The following ANOS1 variants were observed in gnomAD, a reference collection of about 807,000 sequenced individuals.
ANOS1 encodes anosmin-1.
In ANOS1, 6 loss-of-function variants were observed where a neutral mutation model predicts 59.0. The ratio of observed to expected loss-of-function variants is 0.10; its 90% CI spans 0.06 to 0.20. ANOS1 has a LOEUF of 0.20. ANOS1 is among the 10% of genes least tolerant of loss of function. The pLI is 1.00. For missense variants in ANOS1, 433 were observed against 542.3 expected (o/e 0.80, Z 2.00); for synonymous variants, 217 against 223.4 (o/e 0.97, Z 0.25).
At chrX:8,684,269 G>A (rs151077720) in intron 2 of ANOS1, among the ~76,000 whole-genome samples, 1,741 of 111,348 alleles carry the variant, frequency 0.016, 29 homozygotes, top group African/African-American at 0.055. Context: ...AGGGCTTCCC[G>A]GTCATCAGGG....
At position 8,532,111 on chromosome X, in the gene ANOS1, T is replaced by A. The variant is rs1413423548; in HGVS notation, c.*884A>T. The A allele has an allele frequency of 8.9e-6, 1 of 112,181 alleles. No individual in the cohort carries two copies. The highest frequency in any genetic ancestry group is 1.9e-5 in the Non-Finnish European group (1 of 53,211). The allele number at this position is 112,181 out of a possible 1,213,427, so 9.2% of individuals were successfully genotyped here. On this transcript the variant is annotated 3_prime_UTR_variant, in exon 14 of 14. Coordinates refer to ENST00000262648, the MANE Select transcript of ANOS1 (RefSeq NM_000216.4). ...GCAAAGATTTAAACATGCTCAATAG[T>A]TGGGATTTTTTCATTTGAAGCAAGA...
At chrX:8,647,835 G>C (rs1347655282) in intron 2 of ANOS1, among the ~76,000 whole-genome samples, 1 of 111,647 alleles carries the variant, frequency 9.0e-6, no homozygotes, top group East Asian at 2.8e-4. Flanking sequence ...AGCCAAAAAA[G>C]CATCTTAAAC....
chrX:8,727,442 G>T (rs896224017), intron 1 of ANOS1, among the ~76,000 whole-genome samples: 17 of 112,346 alleles, frequency 1.5e-4, no homozygotes, highest in Non-Finnish European at 3.0e-4. Context: ...CCCATTCCAT[G>T]CTAGTAGCAT....
At chrX:8,709,836 A>G (rs1189889520) in intron 1 of ANOS1, among the ~76,000 whole-genome samples, 2 of 112,404 alleles carry the variant, frequency 1.8e-5, no homozygotes, top group African/African-American at 6.5e-5. Context: ...TCTTAGCTAC[A>G]TCAGGATTCA....
intron 1 of ANOS1, among the ~76,000 whole-genome samples, chrX:8,725,697 G>GATATATATATACAGAT (rs1285267939): frequency 3.7e-5 from 1 of 27,040 alleles, no homozygotes; most frequent in Non-Finnish European, 6.2e-5. Flanking sequence ...TATATATACA[G>GATATATATATACAGAT]ATATATATAT....
chrX:8,646,654 C>T lies in ANOS1; in HGVS notation c.256-22984G>A, dbSNP rs147121231. On this transcript the variant is annotated intron_variant, in intron 2 of 13. Coordinates refer to ENST00000262648, the MANE Select transcript of ANOS1 (RefSeq NM_000216.4). ...CTGTTTCAAAAGAAGATTTCTGGAC[C>T]GGCGTGGTGGCTCACATCTGTAACC... 9.8e-3 allele frequency among the ~76,000 whole-genome samples: 1,083 copies of T among 110,293 alleles called. 6 individuals are homozygous for T. The highest frequency in any genetic ancestry group is 0.018 in the Middle Eastern group (4 of 217).
chrX:8,603,341 C>T (rs528690470), intron 3 of ANOS1, among the ~76,000 whole-genome samples: 4 of 111,628 alleles, frequency 3.6e-5, no homozygotes, highest in African/African-American at 9.8e-5. Flanking sequence ...TATTAATATG[C>T]AGTATTAATG....
At chrX:8,724,106 C>T (rs760253270) in intron 1 of ANOS1, among the ~76,000 whole-genome samples, 4 of 112,353 alleles carry the variant, frequency 3.6e-5, no homozygotes, top group Admixed American at 9.4e-5. Flanking sequence ...TTTGTATACC[C>T]TCTCAATTTT....
intron 2 of ANOS1, among the ~76,000 whole-genome samples, chrX:8,654,376 T>C (rs945215978): frequency 5.3e-5 from 6 of 112,612 alleles, no homozygotes; most frequent in Non-Finnish European, 1.1e-4. Context: ...TGTGGTTTTC[T>C]TGAAGGTCTA....
At chrX:8,614,037 C>T (rs5934463) in intron 3 of ANOS1, among the ~76,000 whole-genome samples, 42,044 of 110,364 alleles carry the variant, frequency 0.38, 5,761 homozygotes, top group South Asian at 0.43. Flanking sequence ...GATTCATGTG[C>T]GTGACCAAGT....
At chrX:8,677,448 C>T (rs746735082) in intron 2 of ANOS1, among the ~76,000 whole-genome samples, 1 of 111,717 alleles carries the variant, frequency 9.0e-6, no homozygotes, top group East Asian at 2.8e-4. Context: ...AACGGAATTG[C>T]TTTAAAATTT....
intron 2 of ANOS1, among the ~76,000 whole-genome samples, chrX:8,685,663 AAAGG>A (rs1308297796): frequency 1.9e-5 from 2 of 106,806 alleles, no homozygotes; most frequent in African/African-American, 3.5e-5. Flanking sequence ...AAAGAAAAAG[AAAGG>A]AAGGAAGGAG....
intron 2 of ANOS1, among the ~76,000 whole-genome samples, chrX:8,668,394 C>CATATATATATATATATATAT (rs202229567): frequency 5.8e-5 from 3 of 51,568 alleles, no homozygotes; most frequent in Non-Finnish European, 7.4e-5. Flanking sequence ...AGTATTCCAT[C>CATATATATATATATATATAT]ATATATATAT....
chrX:8,626,997 G>C (rs768300407), intron 2 of ANOS1, among the ~76,000 whole-genome samples: 3 of 110,902 alleles, frequency 2.7e-5, no homozygotes, highest in Admixed American at 1.9e-4. Flanking sequence ...CTAGACATTT[G>C]CTTCAAGGCA....
At chrX:8,598,871 G>A (rs757759092) in intron 3 of ANOS1, among the ~76,000 whole-genome samples, 4 of 112,052 alleles carry the variant, frequency 3.6e-5, no homozygotes, top group Admixed American at 9.5e-5. Flanking sequence ...TCTTTTACCT[G>A]GGGGTGGCTA....
intron 6 of ANOS1, among the ~76,000 whole-genome samples, chrX:8,572,700 A>G (rs750880576): frequency 1.7e-4 from 19 of 111,914 alleles, no homozygotes; most frequent in Admixed American, 4.7e-4. Context: ...GTCATTCTCA[A>G]TCAACATCAG....
At chrX:8,583,498 G>T (rs1601964357) in intron 6 of ANOS1, among the ~76,000 whole-genome samples, 1 of 112,104 alleles carries the variant, frequency 8.9e-6, no homozygotes, top group South Asian at 3.8e-4. Context: ...AAGTGTGGAA[G>T]GATGTTGTCC....
intron 2 of ANOS1, among the ~76,000 whole-genome samples, chrX:8,643,120 G>C (rs1274113681): frequency 9.0e-6 from 1 of 111,363 alleles, no homozygotes; most frequent in Non-Finnish European, 1.9e-5. Context: ...TGATGACCTA[G>C]AGGAAAATGA....
intron 2 of ANOS1, among the ~76,000 whole-genome samples, chrX:8,652,941 T>C (rs1036312466): frequency 2.6e-4 from 29 of 111,054 alleles, no homozygotes; most frequent in Admixed American, 9.6e-4. Context: ...CTGCAACCTC[T>C]GTCTCCCGGG....
Sources: gnomAD v4.1 joint callset for allele counts (sites outside exome capture counted in the v4.1 genomes callset) on GRCh38, gnomAD v4.1.1 for gene constraint, MANE v1.5 for transcripts, NCBI Gene and HGNC (gene_info 2026-07-23, HGNC 2026-07-21) for gene names.